The following TBC1D23 variants were observed in gnomAD, a reference collection of about 807,000 sequenced individuals.
TBC1D23 encodes TBC1 domain family member 23.
Under a neutral mutation model 91.4 loss-of-function variants are expected in TBC1D23, and 55 were observed. The observed-to-expected ratio is 0.60, with a 90% CI of 0.48 to 0.75. The LOEUF (loss-of-function observed/expected upper bound fraction) is 0.75. TBC1D23 is among the 30% of genes least tolerant of loss of function. The pLI, the probability that TBC1D23 is intolerant of heterozygous loss-of-function variation, is 0.00. For synonymous variants in TBC1D23, 289 were observed against 281.0 expected (o/e 1.03, Z -0.28); for missense variants, 725 against 836.1 (o/e 0.87, Z 1.64).
chr3:100,315,551 G>A (rs1281283880), intron 15 of TBC1D23, among the ~76,000 whole-genome samples: 1 of 152,166 alleles, frequency 6.6e-6, no homozygotes, highest in East Asian at 1.9e-4. Context: ...ATAAAAAAAT[G>A]TGAAGATAAC....
chr3:100,317,650 T>C (rs886250220), intron 16 of TBC1D23, among the ~76,000 whole-genome samples: 1 of 152,024 alleles, frequency 6.6e-6, no homozygotes, highest in African/African-American at 2.4e-5. Context: ...TATTTCTGCT[T>C]GTTTCCTTTT....
intron 5 of TBC1D23, among the ~76,000 whole-genome samples, chr3:100,292,784 A>G (rs2067803134): frequency 6.6e-6 from 1 of 151,842 alleles, no homozygotes; most frequent in Admixed American, 6.6e-5. Context: ...ATTTTTTTGT[A>G]GAGTCAAGGT....
chr3:100,321,614 T>C (rs532023439), intron 18 of TBC1D23, among the ~76,000 whole-genome samples: 1 of 152,326 alleles, frequency 6.6e-6, no homozygotes, highest in Non-Finnish European at 1.5e-5. Context: ...GTTCAAGTTG[T>C]TCCCCCACTG....
chr3:100,321,104 T>C, intron 18 of TBC1D23, 133 bp downstream of exon 18: 1 of 654,158 alleles, frequency 1.5e-6, no homozygotes, highest in Non-Finnish European at 2.5e-6. Context: ...CTTTTAGTGT[T>C]TCTTATCTCT....
chr3:100,269,353 G>GT (rs1478392376), intron 1 of TBC1D23, among the ~76,000 whole-genome samples: 2 of 152,180 alleles, frequency 1.3e-5, no homozygotes, highest in Non-Finnish European at 2.9e-5. Flanking sequence ...TTTAAAGCTG[G>GT]TGAATGGGTG....
At chr3:100,261,153 G>T in intron 1 of TBC1D23, 82 bp downstream of exon 1, 1 of 1,402,366 alleles carries the variant, frequency 7.1e-7, no homozygotes, top group Non-Finnish European at 1.0e-6. Flanking sequence ...GAGCCGTCTG[G>T]CGTCGGCATG....
intron 10 of TBC1D23, among the ~76,000 whole-genome samples, chr3:100,299,951 A>G (rs538835120): frequency 5.1e-4 from 73 of 142,898 alleles, no homozygotes; most frequent in African/African-American, 1.7e-3. Flanking sequence ...CACTGCACCT[A>G]CTAAGTACTC....
intron 4 of TBC1D23, among the ~76,000 whole-genome samples, chr3:100,290,054 G>A (rs905097281): frequency 6.6e-6 from 1 of 152,180 alleles, no homozygotes; most frequent in African/African-American, 2.4e-5. Flanking sequence ...AACAAGATGA[G>A]TATTTTGGCA....
intron 1 of TBC1D23, chr3:100,267,261 C>T (rs2067564766): frequency 2.3e-6 from 1 of 444,364 alleles, no homozygotes; most frequent in South Asian, 1.6e-5. Flanking sequence ...AAGTACCTTC[C>T]ATTAAGCTCA....
At chr3:100,288,702 A>T (rs557354011) in intron 4 of TBC1D23, among the ~76,000 whole-genome samples, 94 of 152,334 alleles carry the variant, frequency 6.2e-4, no homozygotes, top group African/African-American at 2.1e-3. Context: ...CATTAGATAC[A>T]TTCTTGCCTC....
intron 1 of TBC1D23, among the ~76,000 whole-genome samples, chr3:100,264,372 A>G (rs2148847508): frequency 6.8e-6 from 1 of 147,370 alleles, no homozygotes; most frequent in East Asian, 2.0e-4. Context: ...TGTCAGATGG[A>G]ATTTTTTCTA....
In TBC1D23 at chr3:100,298,004, A is replaced by T. The variant is rs376174123; in HGVS notation, c.958A>T (p.Ile320Phe). 1.2e-6 allele frequency: 2 copies of T among 1,613,704 alleles called. No homozygotes were observed. ...ADLSQALCLA[I>F]SVSEILQANQ... The stretch of plus-strand genomic sequence containing the variant: ...TCTGAGTCAGGCTCTTTGTCTGGCC[A>T]TCTCCGTGTCAGAGATCCTTCAAGC... Residue 320 changes from isoleucine (I) to phenylalanine (F), a missense_variant, in exon 9 of 19, where the codon ATC becomes TTC. Coordinates refer to ENST00000394144, the MANE Select transcript of TBC1D23 (RefSeq NM_001199198.3).
chr3:100,281,750 GA>G lies in TBC1D23; in HGVS notation c.176del (p.Asn59MetfsTer16), dbSNP rs759042953. The G allele has an allele frequency of 6.2e-7, 1 of 1,609,966 alleles. No homozygotes were observed. Among genetic ancestry groups the G allele is most frequent in the Non-Finnish European group, 8.5e-7 (1 of 1,176,678 alleles). ...TTAAATCTTTCTTCCAGATTGCTCT[GA>G]ATGTTGCAGGAAAAGGTGATAGTTT... is the stretch of plus-strand genomic sequence containing the variant. ...LRAKVWKIALNVAGKGDSLAS... is the reference protein window; with the variant it reads ...LRAKVWKIALXVAGKGDSLAS... On this transcript the variant is annotated frameshift_variant, in exon 3 of 19. Transcript: ENST00000394144. LOFTEE classifies it high-confidence loss of function.
At chr3:100,311,771 T>A (rs1405493770) in intron 14 of TBC1D23, 62 bp from the exon 15 acceptor site, 1 of 1,197,322 alleles carries the variant, frequency 8.4e-7, no homozygotes, top group East Asian at 2.6e-5. Context: ...ATTTTTTGTT[T>A]TAAAGCTGTT....
chr3:100,283,014 A>T (rs1427742124), intron 3 of TBC1D23, among the ~76,000 whole-genome samples: 1 of 152,244 alleles, frequency 6.6e-6, no homozygotes, highest in African/African-American at 2.4e-5. Context: ...GTAAGAAAAC[A>T]TGCTTAAGTG....
chr3:100,320,689 CTAA>C, intron 17 of TBC1D23, 85 bp from the exon 18 acceptor site: 2 of 755,382 alleles, frequency 2.6e-6, no homozygotes, highest in South Asian at 6.5e-5. Flanking sequence ...TTGAACATTT[CTAA>C]TAATTGAGAT....
chr3:100,301,272 C>CAAAAAAA (rs71697646), intron 10 of TBC1D23, among the ~76,000 whole-genome samples: 1 of 113,088 alleles, frequency 8.8e-6, no homozygotes, highest in Non-Finnish European at 1.8e-5. Context: ...GATTCCGTCT[C>CAAAAAAA]AAAAAAAAAA....
intron 5 of TBC1D23, among the ~76,000 whole-genome samples, chr3:100,291,128 T>A (rs914160122): frequency 1.3e-5 from 2 of 152,228 alleles, no homozygotes; most frequent in Non-Finnish European, 2.9e-5. Context: ...ATCAAATGGT[T>A]AATATAAAAG....
In TBC1D23 at chr3:100,295,103, C is replaced by T; in HGVS notation, c.617C>T (p.Ala206Val). 6.3e-7 allele frequency: 1 copy of T among 1,588,848 alleles called. No homozygotes were observed. Among genetic ancestry groups the T allele is most frequent in the Non-Finnish European group, 8.5e-7 (1 of 1,171,982 alleles). ...TGATTACAGCTTGGAAGTCTTTTTG[C>T]ATGTTACTGTTCCACTGAAGTCACT... ...YALNWLGSLFACYCSTEVTQA... is the reference protein window; with the variant it reads ...YALNWLGSLFVCYCSTEVTQA... Residue 206 changes from alanine to valine, a missense_variant, in exon 6 of 19, where the codon GCA (alanine) becomes GTA (valine). Physicochemically the swap from Ala to Val is moderately conservative, Grantham distance 64. Transcript: ENST00000394144.
Sources: gnomAD v4.1 joint callset for allele counts (sites outside exome capture counted in the v4.1 genomes callset) on GRCh38, gnomAD v4.1.1 for gene constraint, MANE v1.5 for transcripts, NCBI Gene and HGNC (gene_info 2026-07-23, HGNC 2026-07-21) for gene names.